TMEM63B: variants seen among roughly 807,000 people sequenced by gnomAD.
TMEM63B encodes mechanosensitive cation channel TMEM63B.
Under a neutral mutation model 102.6 loss-of-function variants are expected in TMEM63B, and 23 were observed. The observed-to-expected ratio is 0.22, with a 90% CI of 0.16 to 0.32. TMEM63B has a LOEUF of 0.32. TMEM63B is among the 10% of genes least tolerant of loss of function. The pLI is 1.00. For synonymous variants in TMEM63B, 444 were observed against 437.0 expected, an observed-to-expected ratio of 1.02 and a Z score of -0.20; for missense variants, 628 against 1,095.9, an observed-to-expected ratio of 0.57 and a Z score of 6.03.
rs769477342 is a variant in TMEM63B, at chr6:44,154,401, A to G, written c.2263A>G (p.Ser755Gly). The G allele has an allele frequency of 4.3e-6, 7 of 1,614,032 alleles. No individual in the cohort carries two copies. In the East Asian group the frequency reaches 1.6e-4, roughly 36 times the overall value. ...GGAGACAGATACTGTGGACCCCAGA[A>G]GCAATGGACGGCCCCCCACTGCTGC... ...HTETDTVDPRSNGRPPTAAAV... is the reference protein window; with the variant it reads ...HTETDTVDPRGNGRPPTAAAV... The change falls in exon 23 of 24, where the codon AGC becomes GGC. Residue 755 changes from serine (S) to glycine (G), a missense_variant. Ser to Gly is a moderately conservative substitution (Grantham distance 56). Transcript: ENST00000323267.
intron 15 of TMEM63B, 140 bp downstream of exon 15, chr6:44,149,085 T>C (rs1323147595): frequency 5.4e-6 from 7 of 1,305,478 alleles, no homozygotes; most frequent in Non-Finnish European, 7.5e-6. Context: ...CAAAAACCCC[T>C]GTGTGCACTT....
At position 44,150,732 on chromosome 6, in the gene TMEM63B, C is replaced by T; in HGVS notation, c.1673+103C>T. The T allele has an allele frequency of 8.3e-7, 1 of 1,210,462 alleles. No homozygotes were observed. The highest frequency in any genetic ancestry group is 1.2e-6 in the Non-Finnish European group (1 of 831,532). 75.0% of individuals were successfully genotyped at this position (1,210,462 alleles called of 1,614,324 possible). ...GGAGGGTGCAACAAAGCTTCCAACT[C>T]CTGGAGGGGGCAGAAGAGAGAGGAT... On this transcript the variant is annotated intron_variant, in intron 18 of 23. Coordinates refer to ENST00000323267, the MANE Select transcript of TMEM63B (RefSeq NM_018426.3). This position sits in a 1 kb window ranked among gnomAD's most constrained non-coding sequence, Gnocchi z 4.7.
At chr6:44,126,760 T>C (rs753017466), upstream of TMEM63B, among the ~76,000 whole-genome samples, 7 of 152,198 alleles carry the variant, frequency 4.6e-5, no homozygotes, top group African/African-American at 1.2e-4. Context: ...GTGGGTGATA[T>C]ATAGAAAGAG....
At chr6:44,153,584 C>T in intron 20 of TMEM63B, 92 bp from the exon 21 acceptor site, 1 of 1,476,002 alleles carries the variant, frequency 6.8e-7, no homozygotes, top group Non-Finnish European at 9.1e-7. Context: ...GCCAACCCTT[C>T]AGCACTCTCA....
chr6:44,135,260 C>T (rs1195997851), intron 3 of TMEM63B, 68 bp from the exon 4 acceptor site: 3 of 1,578,834 alleles, frequency 1.9e-6, no homozygotes, highest in South Asian at 1.1e-5. Context: ...AAGTTGGGCC[C>T]CTGTTCCTCA....
At chr6:44,147,597 G>A in intron 12 of TMEM63B, 97 bp downstream of exon 12, 1 of 1,510,498 alleles carries the variant, frequency 6.6e-7, no homozygotes. Flanking sequence ...ACCTGTCCCT[G>A]GAATCCTTGA....
chr6:44,147,654 C>T (rs1765700441), intron 12 of TMEM63B, among the ~76,000 whole-genome samples, 154 bp downstream of exon 12: 1 of 152,170 alleles, frequency 6.6e-6, no homozygotes, highest in South Asian at 2.1e-4. Flanking sequence ...CTACAGTGAC[C>T]AGGTTTTCAA....
In TMEM63B at chr6:44,148,128, A is replaced by G; in HGVS notation, c.988-124A>G. On this transcript the variant is annotated intron_variant, in intron 12 of 23. Transcript: ENST00000323267. This position sits in a 1 kb window ranked among gnomAD's most constrained non-coding sequence, Gnocchi z 5.1. ...TCAGAGCGAGACGCTGTTTCCAAAA[A>G]AAAAAAAATGCTTAGAGGAGCAGTG... The G allele has an allele frequency of 1.4e-6, 2 of 1,471,216 alleles. No individual in the cohort carries two copies. The highest frequency in any genetic ancestry group is 9.1e-7 in the Non-Finnish European group (1 of 1,097,420). The allele number at this position is 1,471,216 out of a possible 1,614,324, so 91.1% of individuals were successfully genotyped here. A position where few individuals can be genotyped will look rare whatever the true frequency, so the allele number is the denominator to read the frequency against.
intron 15 of TMEM63B, 108 bp from the exon 16 acceptor site, chr6:44,149,751 C>A (rs1766193872): frequency 3.6e-6 from 3 of 821,944 alleles, no homozygotes; most frequent in Non-Finnish European, 5.8e-6. Flanking sequence ...AACATGGGAG[C>A]CCTGAGAGTT....
In TMEM63B at chr6:44,135,309, G is replaced by T. The variant is rs754363165; in HGVS notation, c.240-19G>T. On this transcript the variant is annotated intron_variant, in intron 3 of 23. Transcript: ENST00000323267. ...ACTCTCCCCCGCCCCTGCTAACCCT[G>T]TCTGTTCTCTGTCCCCAGGCTTCGG... The T allele has an allele frequency of 1.6e-5, 25 of 1,611,464 alleles. No homozygotes were observed. The highest frequency in any genetic ancestry group is 2.0e-5 in the Non-Finnish European group (24 of 1,178,588).
chr6:44,146,361 A>T (rs1033948539), intron 10 of TMEM63B, among the ~76,000 whole-genome samples: 1 of 152,046 alleles, frequency 6.6e-6, no homozygotes, highest in African/African-American at 2.4e-5. Context: ...CCACTCAGAT[A>T]AGCATGAGGA....
Position 44,131,583 on chromosome 6 carries a change from G to T in TMEM63B, c.-24-2978G>T, listed in dbSNP as rs562239180. Among the ~76,000 whole-genome samples, 25 of 152,174 alleles carry T rather than the reference G, an allele frequency of 1.6e-4. No individual in the cohort carries two copies. In the South Asian group the frequency reaches 5.0e-3, roughly 30 times the overall value. On this transcript the variant is annotated intron_variant, in intron 1 of 23. Coordinates refer to ENST00000323267, the MANE Select transcript of TMEM63B (RefSeq NM_018426.3). ...AAAATACAAAAATTAGCTGGGCGTG[G>T]TGGCATGTGTCTGTAGTCCCAGCTA...
intron 1 of TMEM63B, among the ~76,000 whole-genome samples, chr6:44,128,455 T>C (rs1777644921): frequency 6.6e-6 from 1 of 152,190 alleles, no homozygotes; most frequent in Admixed American, 6.5e-5. Context: ...CTCCTGGCTG[T>C]CTTGACCGCC....
intron 6 of TMEM63B, among the ~76,000 whole-genome samples, chr6:44,139,247 G>A (rs948293813): frequency 2.0e-5 from 3 of 150,230 alleles, no homozygotes; most frequent in Non-Finnish European, 4.4e-5. Context: ...CCTTCTCCAT[G>A]CATTTCTCCT....
chr6:44,142,946 T>C (rs1764594706), intron 10 of TMEM63B, among the ~76,000 whole-genome samples: 1 of 152,214 alleles, frequency 6.6e-6, no homozygotes, highest in African/African-American at 2.4e-5. Context: ...AAGAGGCTAA[T>C]GCTGTGGTGA....
At chr6:44,147,734 C>A (rs373450120) in intron 12 of TMEM63B, among the ~76,000 whole-genome samples, 2 of 152,246 alleles carry the variant, frequency 1.3e-5, no homozygotes, top group East Asian at 3.8e-4. Context: ...GGGACTTGAG[C>A]AAGTTGCTTA....
At chr6:44,146,953 T>A (rs1487615140) in intron 11 of TMEM63B, 26 bp downstream of exon 11, 131 of 1,611,632 alleles carry the variant, frequency 8.1e-5, no homozygotes, top group Non-Finnish European at 1.1e-4. Flanking sequence ...CAGAGGAGGG[T>A]GACACCAAGG....
At chr6:44,143,050 C>T (rs1273039323) in intron 10 of TMEM63B, among the ~76,000 whole-genome samples, 1 of 152,170 alleles carries the variant, frequency 6.6e-6, no homozygotes, top group African/African-American at 2.4e-5. Flanking sequence ...AATCTGAGGT[C>T]CAGACCTGTC....
intron 11 of TMEM63B, 119 bp downstream of exon 11, chr6:44,147,046 C>T (rs1765561738): frequency 1.8e-6 from 2 of 1,136,718 alleles, no homozygotes. Flanking sequence ...GATTTTAATT[C>T]AACTCGTTGG....
Sources: allele counts gnomAD v4.1 joint callset (sites outside exome capture counted in the v4.1 genomes callset), GRCh38; gene constraint gnomAD v4.1.1; non-coding constraint Gnocchi (gnomAD v3.1); transcripts MANE v1.5; gene names NCBI Gene and HGNC (gene_info 2026-07-23, HGNC 2026-07-21).